IRGM: variants seen among roughly 807,000 people sequenced by gnomAD.
IRGM encodes immunity related GTPase M, also known as immunity-related GTPase family M protein.
For synonymous variants in IRGM, 98 were observed against 80.6 expected (o/e 1.22, Z -1.16); for missense variants, 288 against 219.9 (o/e 1.31, Z -1.96).
intron 1 of IRGM, among the ~76,000 whole-genome samples, chr5:150,866,003 C>T (rs780229762): frequency 8.5e-5 from 13 of 152,264 alleles, no homozygotes; most frequent in African/African-American, 2.4e-4. Context: ...GTGATCCACC[C>T]GCCTTGGCCT....
chr5:150,901,477 A>G (rs1366368386), downstream of IRGM, among the ~76,000 whole-genome samples: 1 of 152,212 alleles, frequency 6.6e-6, no homozygotes, highest in East Asian at 1.9e-4. Flanking sequence ...GCTGATGGCT[A>G]CTATATTAGA....
chr5:150,889,449 C>A (rs1754574460), intron 3 of IRGM, among the ~76,000 whole-genome samples: 1 of 152,016 alleles, frequency 6.6e-6, no homozygotes, highest in South Asian at 2.1e-4. Flanking sequence ...TCACCAGGTC[C>A]CTCCCACAAC....
intron 3 of IRGM, among the ~76,000 whole-genome samples, chr5:150,893,566 C>T (rs1754653829): frequency 6.6e-6 from 1 of 152,124 alleles, no homozygotes; most frequent in African/African-American, 2.4e-5. Flanking sequence ...ACTGTCAGGG[C>T]AACCATAGGA....
intron 3 of IRGM, among the ~76,000 whole-genome samples, chr5:150,892,109 C>A (rs1754618344): frequency 6.6e-6 from 1 of 152,032 alleles, no homozygotes; most frequent in Non-Finnish European, 1.5e-5. Context: ...TCCCAATAAA[C>A]TATCTCACTG....
chr5:150,881,329 T>C (rs1754441894), intron 3 of IRGM, among the ~76,000 whole-genome samples: 1 of 151,802 alleles, frequency 6.6e-6, no homozygotes, highest in Admixed American at 6.6e-5. Context: ...GATGATATAT[T>C]TAAAGTGCTG....
rs72553865 is a variant in IRGM at position 150,847,704 on chromosome 5, C to T, written c.-415-5C>T. On this transcript the variant is annotated splice_region_variant and splice_polypyrimidine_tract_variant and intron_variant, in intron 1 of 1. Coordinates refer to ENST00000522154, the MANE Select transcript of IRGM (RefSeq NM_001145805.2). ...CCTAACTCACCTGCTCTTCTACTTC[C>T]GCAGCTTACTCCAGTGCCCACAGAT... is the stretch of plus-strand genomic sequence containing the variant. The T allele has an allele frequency of 5.1e-3, 897 of 176,394 alleles. 4 individuals are homozygous for T. Among genetic ancestry groups the T allele is most frequent in the African/African-American group, 0.02 (858 of 42,116 alleles). The allele number at this position is 176,394 out of a possible 1,614,324, so 10.9% of individuals were successfully genotyped here.
At position 150,861,633 on chromosome 5, in the gene IRGM, C is replaced by T. The variant is rs149058408; in HGVS notation, c.158+12979C>T. Reference sequence around the variant, plus strand: ...GTTGGGAGTGGAGGGAGATAACTTGCGATTTTTAGTCGCAGGTCTCTAGAT... The same window carrying T: ...GTTGGGAGTGGAGGGAGATAACTTGTGATTTTTAGTCGCAGGTCTCTAGAT... On this transcript the variant is annotated intron_variant and NMD_transcript_variant, in intron 1 of 3. Transcript: ENST00000520549. Among the ~76,000 whole-genome samples the T allele has an allele frequency of 9.6e-4, 146 of 152,196 alleles. 1 individual carries two copies. The highest frequency in any genetic ancestry group is 3.3e-3 in the African/African-American group (138 of 41,534).
At chr5:150,883,936 A>C (rs1754480293) in intron 3 of IRGM, among the ~76,000 whole-genome samples, 1 of 152,106 alleles carries the variant, frequency 6.6e-6, no homozygotes, top group Non-Finnish European at 1.5e-5. Context: ...ACACTACAAG[A>C]AAAGAAAACT....
Position 150,848,653 on chromosome 5 carries a change from G to T in IRGM, c.530G>T (p.Arg177Leu). The T allele has an allele frequency of 6.5e-7, 1 of 1,533,116 alleles. No homozygotes were observed. The highest frequency in any genetic ancestry group is 1.2e-5 in the South Asian group (1 of 82,280). The allele number at this position is 1,533,116 out of a possible 1,614,324, so 95.0% of individuals were successfully genotyped here. A position where few individuals can be genotyped will look rare whatever the true frequency, so the allele number is the denominator to read the frequency against. The change falls in exon 2 of 2, where the codon CGG (arginine) becomes CTG (leucine). Residue 177 changes from arginine to leucine, a missense_variant. Transcript: ENST00000522154. ...ENVLENLQKE[R>L]VCEY ...GTCCTGGAAAATCTCCAGAAGGAGCGGGTATGTGAATACTAATTCCTGTCT... is the reference window on the plus strand; with the variant it reads ...GTCCTGGAAAATCTCCAGAAGGAGCTGGTATGTGAATACTAATTCCTGTCT...
chr5:150,896,985 A>AAAGAT (rs1349396523), intron 3 of IRGM: 6 of 1,591,238 alleles, frequency 3.8e-6, no homozygotes, highest in Non-Finnish European at 5.1e-6. Flanking sequence ...TAAAAGAAGA[A>AAAGAT]AAGATACAAT....
chr5:150,849,266 G>A (rs1007329491), downstream of IRGM, among the ~76,000 whole-genome samples: 2 of 151,284 alleles, frequency 1.3e-5, no homozygotes, highest in East Asian at 3.8e-4. Flanking sequence ...CAGAGCATGA[G>A]TAAAAATGTT....
chr5:150,850,862 G>C (rs1218664087), downstream of IRGM, among the ~76,000 whole-genome samples: 1 of 152,182 alleles, frequency 6.6e-6, no homozygotes, highest in African/African-American at 2.4e-5. Flanking sequence ...CCAGGCCCAG[G>C]AGGACTGCGA....
chr5:150,885,473 G>C (rs915475090), intron 3 of IRGM, among the ~76,000 whole-genome samples: 9 of 152,010 alleles, frequency 5.9e-5, no homozygotes, highest in African/African-American at 2.2e-4. Context: ...TTGGTAATTA[G>C]GTAGGAATAG....
At chr5:150,894,162 T>A (rs1754669113) in intron 3 of IRGM, among the ~76,000 whole-genome samples, 1 of 152,092 alleles carries the variant, frequency 6.6e-6, no homozygotes, top group Non-Finnish European at 1.5e-5. Context: ...GGTATTCTCA[T>A]CCTTGCCAAG....
At chr5:150,857,830 T>G (rs890417912) in intron 1 of IRGM, among the ~76,000 whole-genome samples, 1 of 152,194 alleles carries the variant, frequency 6.6e-6, no homozygotes, top group Non-Finnish European at 1.5e-5. Flanking sequence ...TCTTAGCCCT[T>G]TGTCAGATGA....
chr5:150,863,491 A>G (rs962516253), intron 1 of IRGM, among the ~76,000 whole-genome samples: 1 of 152,218 alleles, frequency 6.6e-6, no homozygotes, highest in African/African-American at 2.4e-5. Flanking sequence ...TTACCTCTGG[A>G]TAATTTTGGG....
At chr5:150,879,010 C>T (rs1754406657) in intron 2 of IRGM, among the ~76,000 whole-genome samples, 1 of 152,098 alleles carries the variant, frequency 6.6e-6, no homozygotes, top group Non-Finnish European at 1.5e-5. Flanking sequence ...TGCAAAAATA[C>T]ACACTAGGGG....
chr5:150,886,866 T>C (rs966355383), intron 3 of IRGM, among the ~76,000 whole-genome samples: 1 of 152,058 alleles, frequency 6.6e-6, no homozygotes, highest in Non-Finnish European at 1.5e-5. Flanking sequence ...CTGGATTTAT[T>C]GACCTTTTGA....
chr5:150,860,246 A>G (rs763830927), intron 1 of IRGM, among the ~76,000 whole-genome samples: 2 of 152,220 alleles, frequency 1.3e-5, no homozygotes, highest in East Asian at 3.9e-4. Flanking sequence ...ATACAGTGTA[A>G]AACACCTGTT....
Sources: allele counts gnomAD v4.1 joint callset (sites outside exome capture counted in the v4.1 genomes callset), GRCh38; gene constraint gnomAD v4.1.1; transcripts MANE v1.5; gene names NCBI Gene and HGNC (gene_info 2026-07-23, HGNC 2026-07-21).